The following KIF26B variants were observed in gnomAD, a reference collection of about 807,000 sequenced individuals.
KIF26B encodes the protein kinesin-like protein KIF26B.
Under a neutral mutation model 151.2 loss-of-function variants are expected in KIF26B, and 63 were observed. That is an observed-to-expected ratio of 0.42 (90% CI 0.34 to 0.51). The LOEUF is 0.51. Among genes scored for constraint, KIF26B ranks in the 20% least tolerant of loss-of-function variants. KIF26B has a pLI of 0.07. For missense variants in KIF26B, 2,813 were observed against 2,913.6 expected, an observed-to-expected ratio of 0.97 and a Z score of 0.79; for synonymous variants, 1,357 against 1,262.1, an observed-to-expected ratio of 1.08 and a Z score of -1.59.
intron 4 of KIF26B, among the ~76,000 whole-genome samples, chr1:245,446,870 C>T (rs193298526): frequency 6.6e-6 from 1 of 152,262 alleles, no homozygotes. Context: ...CTAGGGAGTT[C>T]CCACCAGCAT....
In KIF26B at chr1:245,598,999, G is replaced by T. The variant is rs146184230; in HGVS notation, c.1351-3578G>T. 2.9e-3 allele frequency among the ~76,000 whole-genome samples: 447 copies of T among 152,246 alleles called. 1 individual carries two copies. Among genetic ancestry groups the T allele is most frequent in the African/African-American group, 0.01 (416 of 41,552 alleles). The stretch of plus-strand genomic sequence containing the variant: ...AGTGACCGTCCCTTTGAGCCCGAGA[G>T]CTGGGGAGAAGGCCGTGCCTGTTAA... On this transcript the variant is annotated intron_variant, in intron 5 of 14. Transcript: ENST00000407071.
At chr1:245,206,688 T>C (rs545194583) in intron 2 of KIF26B, 10 of 152,330 alleles carry the variant, frequency 6.6e-5, no homozygotes, top group Non-Finnish European at 1.3e-4. Context: ...ACTGCAGCCA[T>C]GCAAAGGAAT....
intron 2 of KIF26B, among the ~76,000 whole-genome samples, chr1:245,202,977 G>A (rs888963053): frequency 4.0e-5 from 6 of 149,192 alleles, no homozygotes; most frequent in South Asian, 2.1e-4. Context: ...AAAAAAGGCC[G>A]GGCGCGGTGG....
chr1:245,485,664 G>A (rs1487297139), intron 4 of KIF26B, among the ~76,000 whole-genome samples: 7 of 152,208 alleles, frequency 4.6e-5, no homozygotes, highest in Admixed American at 2.6e-4. Flanking sequence ...GATTACAGGC[G>A]TGAGCCACCG....
At chr1:245,653,026 G>A (rs1488017974) in intron 10 of KIF26B, among the ~76,000 whole-genome samples, 2 of 152,200 alleles carry the variant, frequency 1.3e-5, no homozygotes, top group Admixed American at 6.5e-5. Flanking sequence ...CCAATGATCA[G>A]ATAGATACAA....
intron 4 of KIF26B, among the ~76,000 whole-genome samples, chr1:245,446,220 GCATATCTGAA>G (rs1357777927): frequency 6.6e-6 from 1 of 152,130 alleles, no homozygotes; most frequent in African/African-American, 2.4e-5. Flanking sequence ...CTAAGTATTT[GCATATCTGAA>G]CATATATGAA....
At chr1:245,658,448 G>T (rs1212256253) in intron 10 of KIF26B, among the ~76,000 whole-genome samples, 3 of 152,128 alleles carry the variant, frequency 2.0e-5, no homozygotes, top group African/African-American at 7.2e-5. Flanking sequence ...ACCCAGACTG[G>T]AACGCAGTGA....
intron 10 of KIF26B, among the ~76,000 whole-genome samples, chr1:245,676,910 C>T (rs2044363711): frequency 6.6e-6 from 1 of 152,196 alleles, no homozygotes; most frequent in African/African-American, 2.4e-5. Flanking sequence ...TGGGCACAGC[C>T]ACCAACATTC....
intron 2 of KIF26B, among the ~76,000 whole-genome samples, chr1:245,228,103 C>T (rs550814006): frequency 7.2e-5 from 11 of 152,310 alleles, no homozygotes; most frequent in East Asian, 5.8e-4. Flanking sequence ...TAGGGTCCCA[C>T]GCATGCCACT....
At chr1:245,182,126 C>T (rs955629830) in intron 2 of KIF26B, among the ~76,000 whole-genome samples, 7 of 152,124 alleles carry the variant, frequency 4.6e-5, no homozygotes, top group Non-Finnish European at 7.4e-5. Context: ...ATGTCCAGCT[C>T]GGTGCATTTC....
chr1:245,687,635 A>T lies in KIF26B; in HGVS notation c.4652A>T (p.Asp1551Val). The part of the protein sequence containing the change: ...FQKASRQEEP[D>V]SLSYYCAAET... ...AAGGCCAGCCGGCAGGAGGAGCCGG[A>T]CAGCCTCTCCTATTACTGCGCTGCT... Residue 1551 changes from aspartate to valine, a missense_variant, in exon 12 of 15, where the codon GAC becomes GTC. Transcript: ENST00000407071. This position sits in a 1 kb window ranked among gnomAD's most constrained non-coding sequence, Gnocchi z 4.9. The T allele has an allele frequency of 1.3e-6, 2 of 1,567,532 alleles. No individual in the cohort carries two copies. The highest frequency in any genetic ancestry group is 1.7e-6 in the Non-Finnish European group (2 of 1,156,568).
chr1:245,386,094 A>T (rs1307409088), intron 3 of KIF26B, among the ~76,000 whole-genome samples: 2 of 152,106 alleles, frequency 1.3e-5, no homozygotes. Context: ...TACAAAAATT[A>T]GCCAGGCATC....
At chr1:245,390,943 A>AC (rs1224485847) in intron 3 of KIF26B, among the ~76,000 whole-genome samples, 7 of 118,412 alleles carry the variant, frequency 5.9e-5, no homozygotes, top group African/African-American at 2.0e-4. Flanking sequence ...AAAAAAAAAA[A>AC]AAAAAAAAAC....
intron 9 of KIF26B, among the ~76,000 whole-genome samples, chr1:245,636,722 C>T (rs1480154073): frequency 6.6e-6 from 1 of 152,024 alleles, no homozygotes; most frequent in Non-Finnish European, 1.5e-5. Flanking sequence ...ACTGTTGTAG[C>T]TCCCACATAT....
At chr1:245,335,747 C>T (rs1440604285) in intron 2 of KIF26B, among the ~76,000 whole-genome samples, 3 of 144,248 alleles carry the variant, frequency 2.1e-5, no homozygotes, top group African/African-American at 7.8e-5. Flanking sequence ...AAGGAGGGTC[C>T]CACGCAGGGA....
At chr1:245,567,994 G>T (rs566820298) in intron 5 of KIF26B, among the ~76,000 whole-genome samples, 2 of 151,816 alleles carry the variant, frequency 1.3e-5, no homozygotes, top group African/African-American at 4.8e-5. Flanking sequence ...GACCAGCCTG[G>T]CCAGCATGGC....
intron 2 of KIF26B, among the ~76,000 whole-genome samples, chr1:245,247,093 GT>G (rs1670348728): frequency 6.6e-6 from 1 of 152,130 alleles, no homozygotes; most frequent in African/African-American, 2.4e-5. Flanking sequence ...AAATCACTTA[GT>G]TTTCTGTGTT....
rs191720284 is a variant in KIF26B, at chr1:245,324,430, C to T, written c.466-42404C>T. ...GAATTCTTTCCATGGAAACAATAAA[C>T]AGTCAAAATGTTTACTATGAAATTC... On this transcript the variant is annotated intron_variant, in intron 2 of 14. Transcript: ENST00000407071. Among the ~76,000 whole-genome samples, 926 of 152,282 alleles carry T rather than the reference C, an allele frequency of 6.1e-3. 3 individuals carry two copies. Among genetic ancestry groups the T allele is most frequent in the Admixed American group, 0.015 (232 of 15,302 alleles).
rs570547786 is a variant in KIF26B, at chr1:245,542,673, G to A, written c.1350+1723G>A. ...GGGTGTGATCGTGGATGGTTGATTC[G>A]CTGCCTTCTAAGGAGGGTGGGTCCA... On this transcript the variant is annotated intron_variant, in intron 5 of 14. Coordinates refer to ENST00000407071, the MANE Select transcript of KIF26B (RefSeq NM_018012.4). 2.6e-5 allele frequency among the ~76,000 whole-genome samples: 4 copies of A among 152,358 alleles called. No homozygotes were observed. The East Asian group carries it at 5.8e-4, about 22-fold the overall frequency.
Sources: gnomAD v4.1 joint callset for allele counts (sites outside exome capture counted in the v4.1 genomes callset) on GRCh38, gnomAD v4.1.1 for gene constraint, Gnocchi (gnomAD v3.1) non-coding constraint, MANE v1.5 for transcripts, NCBI Gene and HGNC (gene_info 2026-07-23, HGNC 2026-07-21) for gene names.